RELN: variants seen among roughly 807,000 people sequenced by gnomAD.
RELN encodes reelin.
RELN carries 108 observed loss-of-function variants against 427.6 expected under a neutral mutation model. The observed-to-expected ratio is 0.25, with a 90% CI of 0.22 to 0.30. The LOEUF (loss-of-function observed/expected upper bound fraction) is 0.30, where lower values mean the gene tolerates loss of function less well. RELN is among the 10% of genes least tolerant of loss of function. RELN has a pLI of 1.00. For synonymous variants in RELN, 1,524 were observed against 1,513.4 expected, an observed-to-expected ratio of 1.01 and a Z score of -0.16; for missense variants, 3,715 against 4,302.8, an observed-to-expected ratio of 0.86 and a Z score of 3.82.
chr7:103,542,687 A>C, intron 43 of RELN, 44 bp downstream of exon 43: 1 of 1,605,582 alleles, frequency 6.2e-7, no homozygotes. Context: ...CTGCTATTAT[A>C]CATTACGATG....
intron 2 of RELN, among the ~76,000 whole-genome samples, chr7:103,838,411 C>A (rs1396123374): frequency 6.6e-6 from 1 of 152,050 alleles, no homozygotes; most frequent in African/African-American, 2.4e-5. Flanking sequence ...AAAAACAAAT[C>A]TATGTTTTGA....
intron 28 of RELN, among the ~76,000 whole-genome samples, chr7:103,588,915 C>G (rs553552323): frequency 3.3e-5 from 5 of 151,514 alleles, no homozygotes; most frequent in African/African-American, 1.2e-4. Flanking sequence ...ACATCATTTC[C>G]AATATGGGAT....
chr7:103,776,517 A>G (rs1485716876), intron 4 of RELN, 40 bp downstream of exon 4: 1 of 1,592,620 alleles, frequency 6.3e-7, no homozygotes, highest in South Asian at 1.1e-5. Context: ...TACCATGAAT[A>G]GTTTGGACAT....
At chr7:103,562,179 T>C (rs192022501) in intron 34 of RELN, among the ~76,000 whole-genome samples, 60 of 152,294 alleles carry the variant, frequency 3.9e-4, no homozygotes, top group African/African-American at 1.4e-3. Flanking sequence ...TATTTCACTA[T>C]TTTTTTCATG....
chr7:103,821,466 C>CT (rs2116372436), intron 3 of RELN, among the ~76,000 whole-genome samples: 1 of 152,244 alleles, frequency 6.6e-6, no homozygotes, highest in South Asian at 2.1e-4. Context: ...GATCCACAGA[C>CT]ATGTAAGTAC....
chr7:103,628,843 T>C (rs1248637232), intron 20 of RELN, among the ~76,000 whole-genome samples: 1 of 152,166 alleles, frequency 6.6e-6, no homozygotes, highest in African/African-American at 2.4e-5. Flanking sequence ...GTGGTGAAGG[T>C]TGTGGGTTTT....
rs1246531360 is a variant in RELN at position 103,773,199 on chromosome 7, C to CTG, written c.544+3357_544+3358insCA. On this transcript the variant is annotated intron_variant, in intron 4 of 64. Coordinates refer to ENST00000428762, the MANE Select transcript of RELN (RefSeq NM_005045.4). ...CTTTCCTTCTTTCTTTTCTTTCTTT[C>CTG]TCTCTCTCTCTCTCTCTCCCTCCCT... Among the ~76,000 whole-genome samples, 40 of 37,682 alleles carry CTG rather than the reference C, an allele frequency of 1.1e-3. No homozygotes were observed. In the African/African-American group the frequency reaches 0.014, roughly 13 times the overall value. 24.7% of individuals were successfully genotyped at this position (37,682 alleles called of 152,430 possible).
Position 103,540,313 on chromosome 7 carries a change from C to G in RELN, c.6814G>C (p.Val2272Leu). The G allele has an allele frequency of 6.2e-7, 1 of 1,614,170 alleles. No individual in the cohort carries two copies. Among genetic ancestry groups the G allele is most frequent in the South Asian group, 1.1e-5 (1 of 91,076 alleles). Reference protein sequence around the residue: ...QEFLFSNSSNVGRYIALEIPL... With the variant: ...QEFLFSNSSNLGRYIALEIPL... ...ATCTCCAGGGCAATGTACCTGCCCA[C>G]ATTGCTGGAATTGCTGAAAAGGAAC... Residue 2272 changes from valine to leucine, a missense_variant, in exon 44 of 65, where the codon GTG becomes CTG. Val to Leu is a conservative substitution (Grantham distance 32). Transcript: ENST00000428762.
intron 3 of RELN, among the ~76,000 whole-genome samples, chr7:103,782,915 T>C (rs1791928471): frequency 6.6e-6 from 1 of 152,180 alleles, no homozygotes; most frequent in Non-Finnish European, 1.5e-5. Flanking sequence ...AGGTCTGGTA[T>C]ATTAGTTGAC....
At chr7:103,657,766 A>G (rs1584382869) in intron 12 of RELN, among the ~76,000 whole-genome samples, 1 of 152,108 alleles carries the variant, frequency 6.6e-6, no homozygotes, top group Admixed American at 6.6e-5. Context: ...AGCAGCTTCT[A>G]CAGGGAGATA....
chr7:103,537,744 G>A (rs763478953), intron 45 of RELN, among the ~76,000 whole-genome samples: 31 of 152,292 alleles, frequency 2.0e-4, no homozygotes, highest in African/African-American at 4.8e-4. Flanking sequence ...ACCAAGACCT[G>A]TTGAGGCTGG....
At chr7:103,670,440 G>C (rs1012063) in intron 11 of RELN, among the ~76,000 whole-genome samples, 3 of 151,796 alleles carry the variant, frequency 2.0e-5, no homozygotes, top group African/African-American at 7.3e-5. Flanking sequence ...AATAATGAAG[G>C]TCTATATTTA....
At chr7:103,810,109 T>C (rs1284613770) in intron 3 of RELN, among the ~76,000 whole-genome samples, 1 of 152,190 alleles carries the variant, frequency 6.6e-6, no homozygotes, top group Non-Finnish European at 1.5e-5. Context: ...AAGGAACTAC[T>C]TCAATTACCT....
intron 2 of RELN, among the ~76,000 whole-genome samples, chr7:103,915,466 T>C (rs576556396): frequency 6.7e-6 from 1 of 149,244 alleles, no homozygotes; most frequent in African/African-American, 2.4e-5. Context: ...CCTGGAGTGT[T>C]GATTTCAAAA....
intron 2 of RELN, among the ~76,000 whole-genome samples, chr7:103,911,860 G>C (rs1240307473): frequency 8.1e-6 from 1 of 124,182 alleles, no homozygotes; most frequent in Non-Finnish European, 1.7e-5. Context: ...GTGGTGGGGT[G>C]GGGGGAGGGG....
At chr7:103,710,425 T>C (rs1789765393) in intron 8 of RELN, among the ~76,000 whole-genome samples, 1 of 152,134 alleles carries the variant, frequency 6.6e-6, no homozygotes, top group African/African-American at 2.4e-5. Context: ...AAAAACAGCT[T>C]CCAGGAACTC....
At chr7:103,818,261 G>A (rs147305115) in intron 3 of RELN, among the ~76,000 whole-genome samples, 104 of 152,270 alleles carry the variant, frequency 6.8e-4, no homozygotes, top group African/African-American at 2.4e-3. Flanking sequence ...GACAGAATGC[G>A]TTGCTTTTCA....
chr7:103,822,145 T>A (rs1045785546), intron 3 of RELN, among the ~76,000 whole-genome samples: 1 of 152,090 alleles, frequency 6.6e-6, no homozygotes, highest in South Asian at 2.1e-4. Context: ...TACATTTTTT[T>A]AATTTCCTCA....
In RELN at chr7:103,618,046, T is replaced by C. The variant is rs1832124775; in HGVS notation, c.2703-6243A>G. On this transcript the variant is annotated intron_variant, in intron 20 of 64. Coordinates refer to ENST00000428762, the MANE Select transcript of RELN (RefSeq NM_005045.4). ...TCGGCACTGTACTTCTTGTACAGTC[T>C]GCAGAACTGTGAGCCAAATAAACCT... Among the ~76,000 whole-genome samples, 5 of 152,212 alleles carry C rather than the reference T, an allele frequency of 3.3e-5. No homozygotes were observed. In the South Asian group the frequency reaches 1.0e-3, roughly 32 times the overall value.
Sources: allele counts gnomAD v4.1 joint callset (sites outside exome capture counted in the v4.1 genomes callset), GRCh38; gene constraint gnomAD v4.1.1; transcripts MANE v1.5; gene names NCBI Gene and HGNC (gene_info 2026-07-23, HGNC 2026-07-21).